Variants in SLC24A2 observed in about 807,000 individuals in gnomAD.
SLC24A2 encodes solute carrier family 24 member 2.
A neutral mutation model predicts 62.0 loss-of-function variants in SLC24A2; 36 were observed. The ratio of observed to expected loss-of-function variants is 0.58; its 90% CI spans 0.44 to 0.77. The LOEUF (loss-of-function observed/expected upper bound fraction) is 0.77, where lower values mean the gene tolerates loss of function less well. SLC24A2 is among the 30% of genes least tolerant of loss of function. SLC24A2 has a pLI of 0.00. For synonymous variants in SLC24A2, 358 were observed against 294.0 expected, an observed-to-expected ratio of 1.22 and a Z score of -2.23; for missense variants, 846 against 817.9, an observed-to-expected ratio of 1.03 and a Z score of -0.42.
the SLC24A2 span, among the ~76,000 whole-genome samples, chr9:19,990,601 C>T: frequency 7.3e-6 from 1 of 137,406 alleles, no homozygotes; most frequent in Non-Finnish European, 1.5e-5. Flanking sequence ...CAGAGCAAGA[C>T]TCCACCTAAA....
intron 4 of SLC24A2, among the ~76,000 whole-genome samples, chr9:19,608,689 T>C (rs1239235894): frequency 1.3e-5 from 2 of 152,042 alleles, no homozygotes; most frequent in Non-Finnish European, 2.9e-5. Context: ...ACAGAGTGGG[T>C]ACTACAAAAG....
the SLC24A2 span, among the ~76,000 whole-genome samples, chr9:20,105,250 G>C: frequency 1.3e-5 from 2 of 152,114 alleles, no homozygotes; most frequent in African/African-American, 4.8e-5. Context: ...ATAATAATGG[G>C]AGACTTTAAC....
the SLC24A2 span, among the ~76,000 whole-genome samples, chr9:19,860,803 G>A: frequency 1.4e-4 from 21 of 152,166 alleles, no homozygotes; most frequent in Admixed American, 3.9e-4. Flanking sequence ...CAGTTGTCTG[G>A]CAATATTCAT....
intron 2 of SLC24A2, among the ~76,000 whole-genome samples, chr9:19,669,159 G>A (rs1046718015): frequency 4.6e-5 from 7 of 152,172 alleles, no homozygotes; most frequent in African/African-American, 1.7e-4. Context: ...TGGGTCTTCA[G>A]GTCTGAGTCC....
the SLC24A2 span, among the ~76,000 whole-genome samples, chr9:19,888,743 G>T: frequency 6.6e-6 from 1 of 152,100 alleles, no homozygotes; most frequent in Non-Finnish European, 1.5e-5. Flanking sequence ...CTGCTGCCTC[G>T]GTGTCTAGTC....
At chr9:19,828,844 G>A in the SLC24A2 span, among the ~76,000 whole-genome samples, 3 of 152,128 alleles carry the variant, frequency 2.0e-5, no homozygotes, top group Non-Finnish European at 4.4e-5. Flanking sequence ...TAGCAGAGGG[G>A]AGGGTCTGCT....
At chr9:20,246,170 C>G in the SLC24A2 span, among the ~76,000 whole-genome samples, 1 of 152,302 alleles carries the variant, frequency 6.6e-6, no homozygotes, top group Non-Finnish European at 1.5e-5. Flanking sequence ...GAAAGATGCA[C>G]TCATTCAACA....
the SLC24A2 span, among the ~76,000 whole-genome samples, chr9:19,984,167 A>C: frequency 1.3e-5 from 2 of 152,230 alleles, no homozygotes; most frequent in Non-Finnish European, 2.9e-5. Context: ...AATACTACCC[A>C]AAGCAATCTA....
chr9:19,717,603 TAC>T (rs1386204803), intron 2 of SLC24A2, among the ~76,000 whole-genome samples: 4 of 152,250 alleles, frequency 2.6e-5, no homozygotes, highest in Admixed American at 6.5e-5. Context: ...TGGAAGTCTA[TAC>T]AAAGCCATCT....
the SLC24A2 span, among the ~76,000 whole-genome samples, chr9:20,144,040 T>A: frequency 6.6e-6 from 1 of 152,180 alleles, no homozygotes; most frequent in African/African-American, 2.4e-5. Flanking sequence ...TGTTACATGG[T>A]AAGTAAAAAT....
chr9:20,278,465 A>T, the SLC24A2 span, among the ~76,000 whole-genome samples: 1 of 152,072 alleles, frequency 6.6e-6, no homozygotes, highest in African/African-American at 2.4e-5. Flanking sequence ...ATCACCTCTC[A>T]AGTTCAAAGT....
chr9:19,871,958 G>A, the SLC24A2 span, among the ~76,000 whole-genome samples: 9 of 151,564 alleles, frequency 5.9e-5, no homozygotes, highest in Middle Eastern at 3.2e-3. Flanking sequence ...TTTTTTTGTG[G>A]TCTTCTTTGG....
chr9:20,078,307 T>C, the SLC24A2 span, among the ~76,000 whole-genome samples: 73 of 147,482 alleles, frequency 4.9e-4, 1 homozygote, highest in Admixed American at 4.2e-3. Context: ...CCTCCCCACT[T>C]CCCCACCCCC....
chr9:20,148,327 A>C, the SLC24A2 span, among the ~76,000 whole-genome samples: 1 of 152,108 alleles, frequency 6.6e-6, no homozygotes, highest in African/African-American at 2.4e-5. Context: ...ACTAAGTGAA[A>C]AAAGAAAGAG....
At chr9:20,114,375 T>C in the SLC24A2 span, among the ~76,000 whole-genome samples, 1 of 152,236 alleles carries the variant, frequency 6.6e-6, no homozygotes, top group East Asian at 1.9e-4. Context: ...TCACCTCAGT[T>C]GTGGAGCTAA....
rs578090806 is a variant in SLC24A2 at position 19,517,482 on chromosome 9, C to T, written c.1737-1080G>A. On this transcript the variant is annotated intron_variant, in intron 10 of 10. Transcript: ENST00000341998. ...GGCAGTGAGTTTACTCATCTGCCTCCTGTGCTGGAGAGACGGCATTGGAAG... is the reference window on the plus strand; with the variant it reads ...GGCAGTGAGTTTACTCATCTGCCTCTTGTGCTGGAGAGACGGCATTGGAAG... Among the ~76,000 whole-genome samples the T allele has an allele frequency of 2.3e-4, 35 of 152,300 alleles. 2 individuals are homozygous for T. The highest frequency in any genetic ancestry group is 2.3e-3 in the South Asian group (11 of 4,830).
chr9:20,240,745 G>A, the SLC24A2 span, among the ~76,000 whole-genome samples: 1 of 152,180 alleles, frequency 6.6e-6, no homozygotes, highest in Non-Finnish European at 1.5e-5. Context: ...TGCATTTAGG[G>A]TGAGCAAAGG....
chr9:19,796,624 A>C, the SLC24A2 span, among the ~76,000 whole-genome samples: 1 of 152,202 alleles, frequency 6.6e-6, no homozygotes, highest in East Asian at 1.9e-4. Flanking sequence ...TCTATTTTCA[A>C]AGTATGGCTT....
At chr9:19,986,188 C>T in the SLC24A2 span, among the ~76,000 whole-genome samples, 5 of 152,092 alleles carry the variant, frequency 3.3e-5, no homozygotes, top group Non-Finnish European at 7.4e-5. Context: ...AGATGCTCAA[C>T]ATCATTAAGG....
Sources: allele counts gnomAD v4.1 joint callset (sites outside exome capture counted in the v4.1 genomes callset), GRCh38; gene constraint gnomAD v4.1.1; transcripts MANE v1.5; gene names NCBI Gene and HGNC (gene_info 2026-07-23, HGNC 2026-07-21).